ST18: variants seen among roughly 807,000 people sequenced by gnomAD.
ST18 encodes the protein suppression of tumorigenicity 18 protein.
ST18 carries 50 observed loss-of-function variants against 110.0 expected under a neutral mutation model. The ratio of observed to expected loss-of-function variants is 0.45; its 90% CI spans 0.36 to 0.58. The LOEUF is 0.58. Among genes scored for constraint, ST18 ranks in the 20% least tolerant of loss-of-function variants. The pLI is 0.00. For synonymous variants in ST18, 461 were observed against 452.4 expected (o/e 1.02, Z -0.24); for missense variants, 1,306 against 1,280.1 (o/e 1.02, Z -0.31).
chr8:52,335,492 A>G (rs1811610143), intron 2 of ST18, among the ~76,000 whole-genome samples: 3 of 152,210 alleles, frequency 2.0e-5, no homozygotes, highest in African/African-American at 7.2e-5. Context: ...ACATAATAAG[A>G]TATCTTGGGG....
chr8:52,158,997 G>A lies in ST18; in HGVS notation c.1707C>T (p.Asp569=). ...SSYSYGQCSE[D]THIAAAAAIL... is the part of the protein sequence containing the mutation. The stretch of plus-strand genomic sequence containing the variant: ...TGGCAGCAGCTGCTGCTATGTGGGT[G>A]TCTTCACTACATTGACCGTAGCTAT... The change falls in exon 15 of 26, where the codon GAC becomes GAT. Residue 569 remains aspartate, a synonymous_variant. Transcript: ENST00000689386. 6.2e-7 allele frequency: 1 copy of A among 1,614,124 alleles called. No individual in the cohort carries two copies. The highest frequency in any genetic ancestry group is 1.7e-5 in the Admixed American group (1 of 60,026).
intron 2 of ST18, among the ~76,000 whole-genome samples, chr8:52,347,731 T>C (rs1372874889): frequency 1.3e-5 from 2 of 151,988 alleles, no homozygotes; most frequent in Non-Finnish European, 2.9e-5. Flanking sequence ...AAGAGAAAAA[T>C]GAAGAAGCTG....
chr8:52,200,540 G>A (rs550779934), intron 8 of ST18, among the ~76,000 whole-genome samples: 7 of 152,116 alleles, frequency 4.6e-5, no homozygotes, highest in African/African-American at 7.2e-5. Context: ...GTAAAGATGT[G>A]GTCTTTTCCT....
At chr8:52,200,476 C>T (rs921766606) in intron 8 of ST18, among the ~76,000 whole-genome samples, 7 of 152,110 alleles carry the variant, frequency 4.6e-5, no homozygotes, top group Non-Finnish European at 2.9e-5. Context: ...GGGGACCCAG[C>T]GCGGATTCTA....
At chr8:52,404,002 A>T (rs1207593842) in intron 2 of ST18, 1 of 152,212 alleles carries the variant, frequency 6.6e-6, no homozygotes. Context: ...GGCTACCATT[A>T]TATCTAAACA....
chr8:52,173,976 A>T (rs1236974911), intron 9 of ST18, among the ~76,000 whole-genome samples: 1 of 151,994 alleles, frequency 6.6e-6, no homozygotes, highest in Non-Finnish European at 1.5e-5. Flanking sequence ...TCTGGTAATT[A>T]TCTCCCTAAA....
chr8:52,182,573 A>T (rs1373356764), intron 8 of ST18, among the ~76,000 whole-genome samples: 1 of 152,220 alleles, frequency 6.6e-6, no homozygotes, highest in Admixed American at 6.5e-5. Flanking sequence ...TGACTACACT[A>T]TAAGTATCTA....
chr8:52,179,124 A>T (rs1365350447), intron 9 of ST18, among the ~76,000 whole-genome samples: 2 of 152,186 alleles, frequency 1.3e-5, no homozygotes, highest in Non-Finnish European at 2.9e-5. Context: ...CATGTTTAGT[A>T]GAATATACAT....
At chr8:52,366,108 C>T (rs751866752) in intron 2 of ST18, among the ~76,000 whole-genome samples, 15 of 152,022 alleles carry the variant, frequency 9.9e-5, no homozygotes, top group African/African-American at 2.2e-4. Context: ...AGAATCATTC[C>T]GCTGTGAGGG....
intron 16 of ST18, among the ~76,000 whole-genome samples, chr8:52,146,740 A>G (rs1316309713): frequency 3.3e-5 from 5 of 152,174 alleles, no homozygotes; most frequent in African/African-American, 1.2e-4. Context: ...TACATTTTTC[A>G]TTTTCAAGAT....
At chr8:52,357,845 C>A (rs1278414261) in intron 2 of ST18, among the ~76,000 whole-genome samples, 2 of 149,976 alleles carry the variant, frequency 1.3e-5, no homozygotes, top group African/African-American at 2.4e-5. Flanking sequence ...ATAGCATAAG[C>A]CAGCTAGACC....
chr8:52,204,278 C>T (rs1362543703), intron 8 of ST18, among the ~76,000 whole-genome samples: 1 of 152,192 alleles, frequency 6.6e-6, no homozygotes, highest in Non-Finnish European at 1.5e-5. Context: ...ACTTTTCAGC[C>T]AACCTTCTAC....
At chr8:52,201,805 C>T (rs761418906) in intron 8 of ST18, among the ~76,000 whole-genome samples, 6 of 152,148 alleles carry the variant, frequency 3.9e-5, no homozygotes, top group Non-Finnish European at 8.8e-5. Context: ...ACAAGCAGCT[C>T]AGGGATGGGC....
At chr8:52,379,293 T>C (rs1259877709) in intron 2 of ST18, among the ~76,000 whole-genome samples, 1 of 151,986 alleles carries the variant, frequency 6.6e-6, no homozygotes, top group African/African-American at 2.4e-5. Flanking sequence ...AGACGGGGTT[T>C]CACCATGTTG....
At position 52,248,957 on chromosome 8, in the gene ST18, C is replaced by T. The variant is rs566257325; in HGVS notation, c.-464-18880G>A. On this transcript the variant is annotated intron_variant, in intron 2 of 25. Coordinates refer to ENST00000689386, the MANE Select transcript of ST18 (RefSeq NM_001352837.2). Reference sequence around the variant, plus strand: ...TGTCAAGAATGAACTTCACTGCTCACATGCATGCCCCAGGTTTCCATTATC... The same window carrying T: ...TGTCAAGAATGAACTTCACTGCTCATATGCATGCCCCAGGTTTCCATTATC... Among the ~76,000 whole-genome samples, 13 of 152,258 alleles carry T rather than the reference C, an allele frequency of 8.5e-5. No individual in the cohort carries two copies. In the East Asian group the frequency reaches 2.5e-3, roughly 29 times the overall value.
intron 10 of ST18, among the ~76,000 whole-genome samples, chr8:52,167,296 G>T (rs527462297): frequency 6.6e-6 from 1 of 152,288 alleles, no homozygotes; most frequent in African/African-American, 2.4e-5. Flanking sequence ...CTGTGCTAGG[G>T]GATGAACAGG....
chr8:52,307,290 G>A (rs1053879117), intron 2 of ST18, among the ~76,000 whole-genome samples: 7 of 152,130 alleles, frequency 4.6e-5, no homozygotes, highest in African/African-American at 1.7e-4. Flanking sequence ...CAAATTCCAA[G>A]CTCCAAAATG....
intron 3 of ST18, among the ~76,000 whole-genome samples, chr8:52,223,143 C>T (rs76442574): frequency 0.015 from 2,264 of 152,278 alleles, 27 homozygotes; most frequent in Non-Finnish European, 0.023. Context: ...TAGGGACTCT[C>T]AGTCCTTTAT....
At position 52,116,407 on chromosome 8, in the gene ST18, C is replaced by A; in HGVS notation, c.2871G>T (p.Met957Ile). Residue 957 changes from methionine (M) to isoleucine (I), a missense_variant, in exon 25 of 26, where the codon ATG (methionine) becomes ATT (isoleucine). Transcript: ENST00000689386. ...MMKLQTQITS[M>I]ESNLKTIEEE... ...CCTCTATCGTCTTTAAGTTGCTCTC[C>A]ATAGATGTGATCTACAACAGAAATA... 1 of 1,612,776 alleles carries A rather than the reference C, an allele frequency of 6.2e-7. No individual in the cohort carries two copies. Among genetic ancestry groups the A allele is most frequent in the Non-Finnish European group, 8.5e-7 (1 of 1,179,470 alleles).
Sources: gnomAD v4.1 joint callset for allele counts (sites outside exome capture counted in the v4.1 genomes callset) on GRCh38, gnomAD v4.1.1 for gene constraint, MANE v1.5 for transcripts, NCBI Gene and HGNC (gene_info 2026-07-23, HGNC 2026-07-21) for gene names.